Variants in TMEM232 observed in about 807,000 individuals in gnomAD.
The protein encoded by TMEM232 is transmembrane protein 232.
Under a neutral mutation model 78.8 loss-of-function variants are expected in TMEM232, and 80 were observed. The ratio of observed to expected loss-of-function variants is 1.01; its 90% CI spans 0.85 to 1.22. The LOEUF (loss-of-function observed/expected upper bound fraction) is 1.22. Among genes scored for constraint, TMEM232 ranks in the 50% most tolerant of loss-of-function variants. The pLI, the probability that TMEM232 is intolerant of heterozygous loss-of-function variation, is 0.00. For synonymous variants in TMEM232, 297 were observed against 254.3 expected (o/e 1.17, Z -1.60); for missense variants, 881 against 742.2 (o/e 1.19, Z -2.17).
chr5:110,530,807 A>G (rs1771340478), intron 11 of TMEM232, among the ~76,000 whole-genome samples: 1 of 152,244 alleles, frequency 6.6e-6, no homozygotes, highest in Admixed American at 6.5e-5. Context: ...TGGTGACTGT[A>G]GTTAATACAA....
chr5:110,551,037 T>A (rs1228859497), intron 11 of TMEM232, among the ~76,000 whole-genome samples: 2 of 152,036 alleles, frequency 1.3e-5, no homozygotes, highest in African/African-American at 2.4e-5. Context: ...AGTACCAACA[T>A]AATAACTTGG....
intron 10 of TMEM232, among the ~76,000 whole-genome samples, chr5:110,596,810 A>G (rs954150895): frequency 1.3e-5 from 2 of 152,214 alleles, no homozygotes; most frequent in Non-Finnish European, 2.9e-5. Context: ...GACAAAATGC[A>G]ACAACTCTTT....
chr5:110,735,941 G>C (rs977441588), intron 1 of TMEM232, among the ~76,000 whole-genome samples: 3 of 152,140 alleles, frequency 2.0e-5, no homozygotes, highest in Admixed American at 6.5e-5. Context: ...GTCTTAACTA[G>C]AACCTCATGG....
intron 2 of TMEM232, among the ~76,000 whole-genome samples, chr5:110,648,678 C>T (rs563568835): frequency 6.6e-6 from 1 of 151,842 alleles, no homozygotes; most frequent in South Asian, 2.1e-4. Flanking sequence ...TATGGTAAAA[C>T]AAACAAACAA....
chr5:110,527,526 G>C (rs1349131972), intron 12 of TMEM232, among the ~76,000 whole-genome samples: 1 of 151,930 alleles, frequency 6.6e-6, no homozygotes, highest in Non-Finnish European at 1.5e-5. Context: ...GTCCAGGTAA[G>C]TTTATCCACT....
chr5:110,629,955 C>T (rs530894287), intron 5 of TMEM232, among the ~76,000 whole-genome samples: 5 of 152,160 alleles, frequency 3.3e-5, no homozygotes, highest in African/African-American at 1.2e-4. Flanking sequence ...TCTATTCAAC[C>T]CTGAGTTACT....
rs189288029 is a variant in TMEM232, at chr5:110,525,623, T to G, written c.1703+2965A>C. The stretch of plus-strand genomic sequence containing the variant: ...TTATGGAGTGTTAATTTTTCTAAAG[T>G]TAATTTTTTTAAGTGATGCAAGTAA... On this transcript the variant is annotated intron_variant, in intron 12 of 13. Transcript: ENST00000455884. Among the ~76,000 whole-genome samples the G allele has an allele frequency of 1.7e-4, 26 of 152,002 alleles. No homozygotes were observed. In the East Asian group the frequency reaches 5.0e-3, roughly 29 times the overall value.
intron 10 of TMEM232, among the ~76,000 whole-genome samples, chr5:110,577,215 T>C (rs1338383262): frequency 2.0e-5 from 3 of 151,812 alleles, no homozygotes; most frequent in Non-Finnish European, 4.4e-5. Flanking sequence ...AGGCAAAAGA[T>C]AGGAACAGAC....
At chr5:110,417,638 T>C (rs542346251), downstream of TMEM232, 5 of 118,558 alleles carry the variant, frequency 4.2e-5, 1 homozygote, top group Admixed American at 4.2e-4. Context: ...TTTTTTTTTT[T>C]GTCCGGGGTA....
At chr5:110,407,282 A>C (rs954867770) in intron 2 of TMEM232, among the ~76,000 whole-genome samples, 1 of 152,130 alleles carries the variant, frequency 6.6e-6, no homozygotes, top group African/African-American at 2.4e-5. Flanking sequence ...AGACCTAACT[A>C]CATGTTGCCT....
At chr5:110,598,674 T>C (rs1364405761) in intron 10 of TMEM232, among the ~76,000 whole-genome samples, 2 of 151,808 alleles carry the variant, frequency 1.3e-5, no homozygotes, top group African/African-American at 2.4e-5. Flanking sequence ...TGGAATACTA[T>C]GCAGCCATAA....
chr5:110,406,098 C>A (rs1001598443), intron 2 of TMEM232, among the ~76,000 whole-genome samples: 1 of 151,852 alleles, frequency 6.6e-6, no homozygotes, highest in African/African-American at 2.4e-5. Context: ...CACTGCAAAC[C>A]AGTAGACAGC....
chr5:110,647,362 T>C (rs1325309915), intron 2 of TMEM232, among the ~76,000 whole-genome samples: 1 of 151,936 alleles, frequency 6.6e-6, no homozygotes, highest in Non-Finnish European at 1.5e-5. Flanking sequence ...TTACCAACCA[T>C]AGTAATATGC....
chr5:110,409,540 C>A (rs916610693), intron 2 of TMEM232, among the ~76,000 whole-genome samples: 1 of 152,202 alleles, frequency 6.6e-6, no homozygotes, highest in Non-Finnish European at 1.5e-5. Context: ...CTGGTCAGTA[C>A]ATTCACAGTC....
At chr5:110,660,785 G>T (rs1402745699) in intron 2 of TMEM232, among the ~76,000 whole-genome samples, 1 of 151,998 alleles carries the variant, frequency 6.6e-6, no homozygotes, top group Non-Finnish European at 1.5e-5. Flanking sequence ...TCAAATCAGG[G>T]TAATTATAAT....
chr5:110,576,589 C>A (rs1358581962), intron 10 of TMEM232, among the ~76,000 whole-genome samples: 2 of 151,944 alleles, frequency 1.3e-5, no homozygotes, highest in Non-Finnish European at 2.9e-5. Context: ...CAATTCTAAG[C>A]AAAAAGAACA....
chr5:110,436,110 C>G (rs1333635873), intron 12 of TMEM232, among the ~76,000 whole-genome samples: 1 of 151,920 alleles, frequency 6.6e-6, no homozygotes, highest in Admixed American at 6.6e-5. Context: ...CACATCCTCT[C>G]TAGCATTTGT....
chr5:110,524,546 G>C (rs1770280351), intron 12 of TMEM232, among the ~76,000 whole-genome samples: 1 of 152,120 alleles, frequency 6.6e-6, no homozygotes, highest in Non-Finnish European at 1.5e-5. Flanking sequence ...AATTTGTTAA[G>C]ACTTGCTTGT....
intron 12 of TMEM232, among the ~76,000 whole-genome samples, chr5:110,458,323 A>T (rs1393540222): frequency 6.6e-6 from 1 of 151,182 alleles, no homozygotes; most frequent in Non-Finnish European, 1.5e-5. Context: ...ACAAAACAAG[A>T]TCATATGTTG....
Sources: gnomAD v4.1 joint callset for allele counts (sites outside exome capture counted in the v4.1 genomes callset) on GRCh38, gnomAD v4.1.1 for gene constraint, MANE v1.5 for transcripts, NCBI Gene and HGNC (gene_info 2026-07-23, HGNC 2026-07-21) for gene names.